Variants in VAMP5 observed in about 807,000 individuals in gnomAD.
VAMP5 encodes the protein vesicle associated membrane protein 5.
VAMP5 carries 10 observed loss-of-function variants against 8.1 expected under a neutral mutation model. The ratio of observed to expected loss-of-function variants is 1.23; its 90% CI spans 0.76 to 2.09. The LOEUF is 2.09. Among genes scored for constraint, VAMP5 ranks in the 30% most tolerant of loss-of-function variants. The pLI is 0.00. For synonymous variants in VAMP5, 62 were observed against 60.6 expected (o/e 1.02, Z -0.11); for missense variants, 135 against 152.5 (o/e 0.89, Z 0.60).
chr2:85,587,581 TAAAA>T (rs577522694), intron 1 of VAMP5, among the ~76,000 whole-genome samples: 1 of 137,902 alleles, frequency 7.3e-6, no homozygotes, highest in Non-Finnish European at 1.6e-5. Flanking sequence ...ATCTGACTGC[TAAAA>T]AAAAAAAAAG....
intron 1 of VAMP5, among the ~76,000 whole-genome samples, chr2:85,584,716 A>G (rs577859573): frequency 6.6e-6 from 1 of 152,256 alleles, no homozygotes; most frequent in African/African-American, 2.4e-5. Context: ...TGCACCGCGC[A>G]GAGCGAGCGG....
At position 85,591,880 on chromosome 2, in the gene VAMP5, G is replaced by A. The variant is rs763765138; in HGVS notation, c.141+18G>A. 1.2e-6 allele frequency: 2 copies of A among 1,613,948 alleles called. No homozygotes were observed. The highest frequency in any genetic ancestry group is 1.7e-5 in the Admixed American group (1 of 60,002). ...TGGATATGGTGTGAGGCCTGGGGGA[G>A]CATGGAGGGGAGGGGAGAGGATTGG... is the stretch of plus-strand genomic sequence containing the variant. On this transcript the variant is annotated intron_variant, in intron 2 of 2. Coordinates refer to ENST00000306384, the MANE Select transcript of VAMP5 (RefSeq NM_006634.3).
Position 85,592,950 on chromosome 2 carries a change from C to T in VAMP5, c.144C>T (p.Ser48=). 3 of 1,613,698 alleles carry T rather than the reference C, an allele frequency of 1.9e-6. No individual in the cohort carries two copies. Among genetic ancestry groups the T allele is most frequent in the Non-Finnish European group, 1.7e-6 (2 of 1,180,002 alleles). ...QQRSDQLLDM[S]STFNKTTQNL... is the part of the protein sequence containing the mutation. ...TTTGTGTCTGGGGGTATCCGCAGAG[C>T]TCAACCTTCAACAAGACTACACAGA... Residue 48 remains serine, a splice_region_variant and synonymous_variant, in exon 3 of 3, where the codon AGC becomes AGT. Coordinates refer to ENST00000306384, the MANE Select transcript of VAMP5 (RefSeq NM_006634.3).
At chr2:85,591,401 A>G (rs927633828) in intron 1 of VAMP5, among the ~76,000 whole-genome samples, 3 of 152,124 alleles carry the variant, frequency 2.0e-5, no homozygotes, top group Non-Finnish European at 2.9e-5. Flanking sequence ...TGAGAAAAGA[A>G]TCAGCTTTGT....
chr2:85,591,610 T>C, intron 1 of VAMP5, 115 bp from the exon 2 acceptor site: 1 of 1,482,308 alleles, frequency 6.7e-7, no homozygotes. Context: ...CGAAGGATGC[T>C]GTTACTCTCA....
chr2:85,591,548 C>T (rs182609919), intron 1 of VAMP5, 177 bp from the exon 2 acceptor site: 59 of 897,722 alleles, frequency 6.6e-5, no homozygotes, highest in African/African-American at 5.1e-4. Flanking sequence ...TAAGGTGTGC[C>T]GCACTCACCC....
intron 2 of VAMP5, 39 bp downstream of exon 2, chr2:85,591,901 A>T: frequency 1.9e-6 from 3 of 1,611,346 alleles, no homozygotes; most frequent in Non-Finnish European, 8.5e-7. Flanking sequence ...AGGGGAGAGG[A>T]TTGGGAAAGT....
intron 1 of VAMP5, among the ~76,000 whole-genome samples, chr2:85,585,523 A>C (rs1672449257): frequency 6.6e-6 from 1 of 152,230 alleles, no homozygotes. Flanking sequence ...AAGCTGAGGA[A>C]GGCTCTGAGA....
intron 1 of VAMP5, among the ~76,000 whole-genome samples, chr2:85,584,818 G>A (rs1268349186): frequency 1.3e-5 from 2 of 152,230 alleles, no homozygotes; most frequent in Non-Finnish European, 2.9e-5. Flanking sequence ...CTGTGACCCG[G>A]GACAAGTCAC....
chr2:85,586,508 G>A (rs1039194521), intron 1 of VAMP5, among the ~76,000 whole-genome samples: 2 of 151,820 alleles, frequency 1.3e-5, no homozygotes, highest in Admixed American at 6.6e-5. Flanking sequence ...CCTGGGAGGC[G>A]GAGGTTGCAG....
At chr2:85,591,689 G>C (rs1315024629) in intron 1 of VAMP5, 36 bp from the exon 2 acceptor site, 2 of 1,613,558 alleles carry the variant, frequency 1.2e-6, no homozygotes. Flanking sequence ...CCAGGTGGGG[G>C]CCTCATGCAG....
At chr2:85,591,223 C>T (rs911746220) in intron 1 of VAMP5, among the ~76,000 whole-genome samples, 1 of 152,236 alleles carries the variant, frequency 6.6e-6, no homozygotes, top group Non-Finnish European at 1.5e-5. Flanking sequence ...TAGGCAGAGA[C>T]TATGATGTGT....
intron 1 of VAMP5, among the ~76,000 whole-genome samples, chr2:85,591,399 G>T (rs1333397383): frequency 1.3e-5 from 2 of 152,162 alleles, no homozygotes. Context: ...GGTGAGAAAA[G>T]AATCAGCTTT....
chr2:85,586,799 C>T lies in VAMP5; in HGVS notation c.3+2306C>T, dbSNP rs925279762. On this transcript the variant is annotated intron_variant, in intron 1 of 2. Coordinates refer to ENST00000306384, the MANE Select transcript of VAMP5 (RefSeq NM_006634.3). ...AAAATAAACTAGATGCAGCCGGGCG[C>T]GGTGGCTCACGCCTGTAATCCCAGC... Among the ~76,000 whole-genome samples the T allele has an allele frequency of 3.5e-4, 53 of 151,758 alleles. 1 individual carries two copies. The highest frequency in any genetic ancestry group is 3.1e-3 in the South Asian group (15 of 4,802).
intron 1 of VAMP5, among the ~76,000 whole-genome samples, chr2:85,588,045 C>T (rs1014879776): frequency 3.3e-5 from 5 of 152,114 alleles, no homozygotes; most frequent in Non-Finnish European, 7.4e-5. Context: ...GGCTGGAGTG[C>T]AGTGCGCAAT....
At chr2:85,591,266 G>A (rs1672534565) in intron 1 of VAMP5, among the ~76,000 whole-genome samples, 1 of 152,238 alleles carries the variant, frequency 6.6e-6, no homozygotes, top group Admixed American at 6.5e-5. Context: ...AGCCTGTAGG[G>A]TAGGTCTCCT....
intron 1 of VAMP5, among the ~76,000 whole-genome samples, chr2:85,587,752 A>G (rs1183042684): frequency 6.6e-6 from 1 of 152,224 alleles, no homozygotes; most frequent in Non-Finnish European, 1.5e-5. Context: ...AGTGGAGGTC[A>G]GAAAGGTCAT....
At chr2:85,592,006 A>G (rs1168890680) in intron 2 of VAMP5, 144 bp downstream of exon 2, 42 of 1,266,746 alleles carry the variant, frequency 3.3e-5, no homozygotes, top group Non-Finnish European at 4.5e-5. Context: ...TCAGGCACCC[A>G]TAGCCTAGAC....
At position 85,591,873 on chromosome 2, in the gene VAMP5, TG is replaced by T; in HGVS notation, c.141+16del. ...CAACTCCTGGATATGGTGTGAGGCCTGGGGGAGCATGGAGGGGAGGGGAGAG... is the reference window on the plus strand; with the variant it reads ...CAACTCCTGGATATGGTGTGAGGCCTGGGGAGCATGGAGGGGAGGGGAGAG... On this transcript the variant is annotated intron_variant, in intron 2 of 2. Coordinates refer to ENST00000306384, the MANE Select transcript of VAMP5 (RefSeq NM_006634.3). 2.5e-6 allele frequency: 4 copies of T among 1,613,878 alleles called. No individual in the cohort carries two copies. Among genetic ancestry groups the T allele is most frequent in the South Asian group, 1.1e-5 (1 of 91,062 alleles).
Sources: gnomAD v4.1 joint callset for allele counts (sites outside exome capture counted in the v4.1 genomes callset) on GRCh38, gnomAD v4.1.1 for gene constraint, MANE v1.5 for transcripts, NCBI Gene and HGNC (gene_info 2026-07-23, HGNC 2026-07-21) for gene names.